PLCB4: variants seen among roughly 807,000 people sequenced by gnomAD.
The protein encoded by PLCB4 is 1-phosphatidylinositol 4,5-bisphosphate phosphodiesterase beta-4.
A neutral mutation model predicts 178.8 loss-of-function variants in PLCB4; 77 were observed. That is an observed-to-expected ratio of 0.43 (90% CI 0.36 to 0.52). The LOEUF is 0.52. Ranked by LOEUF, PLCB4 falls within the 20% of genes least tolerant of loss-of-function variation. The probability of loss-of-function intolerance (pLI) is 0.00; values close to 1 mark genes in which losing one functional copy is unlikely to be tolerated. For missense variants in PLCB4, 1,024 were observed against 1,453.4 expected (o/e 0.70, Z 4.80); for synonymous variants, 496 against 490.8 (o/e 1.01, Z -0.14).
intron 33 of PLCB4, among the ~76,000 whole-genome samples, chr20:9,456,879 T>A (rs910013888): frequency 2.6e-5 from 4 of 152,152 alleles, no homozygotes; most frequent in African/African-American, 9.7e-5. Context: ...GAAGACATAA[T>A]CACTGAAATA....
chr20:9,318,508 A>T (rs966872425), intron 4 of PLCB4, among the ~76,000 whole-genome samples: 1 of 152,196 alleles, frequency 6.6e-6, no homozygotes, highest in Non-Finnish European at 1.5e-5. Flanking sequence ...GTAACTGGGG[A>T]CATTGCATGT....
intron 4 of PLCB4, among the ~76,000 whole-genome samples, chr20:9,310,225 C>T (rs1469353005): frequency 6.6e-6 from 1 of 152,056 alleles, no homozygotes; most frequent in East Asian, 1.9e-4. Flanking sequence ...ACATGAACAG[C>T]CATGAGGGAT....
chr20:9,244,657 G>T (rs572090926), intron 3 of PLCB4, among the ~76,000 whole-genome samples: 2 of 152,306 alleles, frequency 1.3e-5, no homozygotes, highest in East Asian at 3.9e-4. Context: ...TGTACTTGAT[G>T]ATCAGTTAAG....
At position 9,437,147 on chromosome 20, in the gene PLCB4, A is replaced by G; in HGVS notation, c.2759A>G (p.Lys920Arg). The G allele has an allele frequency of 6.2e-7, 1 of 1,613,862 alleles. No homozygotes were observed. The highest frequency in any genetic ancestry group is 1.7e-5 in the Admixed American group (1 of 59,988). ...GCCCTGGCCTCTGGTGTGGAAGCCA[A>G]GAAAGGTGAGAGAGAGCCGTTGGGT... ...TAALASGVEA[K>R]KGIELIPQVR... is the part of the protein sequence containing the mutation. Residue 920 changes from lysine (K) to arginine (R), a missense_variant, in exon 30 of 40, where the codon AAG (lysine) becomes AGG (arginine). Lys to Arg is a conservative substitution (Grantham distance 26). Transcript: ENST00000378473.
At chr20:9,253,286 A>T (rs2094200024) in intron 3 of PLCB4, among the ~76,000 whole-genome samples, 1 of 152,292 alleles carries the variant, frequency 6.6e-6, no homozygotes, top group Non-Finnish European at 1.5e-5. Flanking sequence ...TACTTGCTGG[A>T]GTTGCACATT....
At chr20:9,261,582 G>A (rs902551610) in intron 3 of PLCB4, among the ~76,000 whole-genome samples, 21 of 152,136 alleles carry the variant, frequency 1.4e-4, no homozygotes, top group African/African-American at 4.1e-4. Flanking sequence ...TATTCTAAGA[G>A]TTTAAATTGG....
In PLCB4 at chr20:9,369,884, G is replaced by A. The variant is rs1254776003; in HGVS notation, c.504-1330G>A. Among the ~76,000 whole-genome samples the A allele has an allele frequency of 2.6e-5, 4 of 152,296 alleles. No individual in the cohort carries two copies. The East Asian group carries it at 7.7e-4, about 29-fold the overall frequency. On this transcript the variant is annotated intron_variant, in intron 9 of 39. Coordinates refer to ENST00000378473, the MANE Select transcript of PLCB4 (RefSeq NM_001377142.1). Reference sequence around the variant, plus strand: ...AAATCCTTCTGTGCTCACAGGGGAGGCATTCCAAAGCCAGCCCTCATGGAT... The same window carrying A: ...AAATCCTTCTGTGCTCACAGGGGAGACATTCCAAAGCCAGCCCTCATGGAT...
intron 1 of PLCB4, among the ~76,000 whole-genome samples, chr20:9,087,137 GC>G (rs2090466484): frequency 6.6e-6 from 1 of 152,108 alleles, no homozygotes; most frequent in South Asian, 2.1e-4. Flanking sequence ...GATAATCTTT[GC>G]CATATAGATG....
intron 9 of PLCB4, among the ~76,000 whole-genome samples, chr20:9,368,678 C>T (rs745427406): frequency 9.2e-5 from 14 of 152,232 alleles, no homozygotes; most frequent in East Asian, 1.9e-4. Context: ...TTTCAGAACA[C>T]GGTGTTAAAA....
At chr20:9,322,957 A>G (rs62194815) in intron 4 of PLCB4, among the ~76,000 whole-genome samples, 10,115 of 152,274 alleles carry the variant, frequency 0.066, 454 homozygotes, top group Non-Finnish European at 0.1. Context: ...TGGGAGTGAT[A>G]ATACCTACCT....
chr20:9,472,956 A>G, intron 37 of PLCB4, 109 bp downstream of exon 37: 1 of 640,506 alleles, frequency 1.6e-6, no homozygotes, highest in Non-Finnish European at 2.7e-6. Context: ...TTTTCTGTAC[A>G]TTAAACATTC....
chr20:9,206,718 T>TTC (rs2147218391), intron 2 of PLCB4, among the ~76,000 whole-genome samples: 1 of 152,338 alleles, frequency 6.6e-6, no homozygotes, highest in East Asian at 1.9e-4. Context: ...TGCTTGGATG[T>TTC]TCTGAGGGAT....
At chr20:9,440,730 C>A (rs945578430) in intron 30 of PLCB4, among the ~76,000 whole-genome samples, 3 of 152,000 alleles carry the variant, frequency 2.0e-5, no homozygotes, top group African/African-American at 7.2e-5. Flanking sequence ...AATTTTTTGG[C>A]CATTTTTGCA....
At chr20:9,137,821 C>A (rs2092414132) in intron 2 of PLCB4, among the ~76,000 whole-genome samples, 1 of 151,622 alleles carries the variant, frequency 6.6e-6, no homozygotes, top group South Asian at 2.1e-4. Flanking sequence ...ACAGAAAACA[C>A]CCATTCTGTA....
At chr20:9,378,461 C>A (rs554082584) in intron 12 of PLCB4, among the ~76,000 whole-genome samples, 9 of 152,196 alleles carry the variant, frequency 5.9e-5, no homozygotes, top group African/African-American at 2.2e-4. Context: ...ACAATGCATT[C>A]TCACCAGAAA....
intron 4 of PLCB4, among the ~76,000 whole-genome samples, chr20:9,315,221 TATC>T (rs2094885776): frequency 1.3e-5 from 2 of 152,206 alleles, no homozygotes; most frequent in Non-Finnish European, 2.9e-5. Context: ...GTATGTGAAT[TATC>T]ATATTGGAAT....
chr20:9,243,705 A>G (rs2094092615), intron 3 of PLCB4, among the ~76,000 whole-genome samples: 1 of 152,228 alleles, frequency 6.6e-6, no homozygotes, highest in African/African-American at 2.4e-5. Context: ...GGGAGGCAGC[A>G]AAGCAGAGGT....
intron 3 of PLCB4, among the ~76,000 whole-genome samples, chr20:9,301,166 C>T (rs1424967402): frequency 6.6e-6 from 1 of 151,760 alleles, no homozygotes; most frequent in Admixed American, 6.6e-5. Flanking sequence ...CCAGAATAAT[C>T]TCCCCATCTC....
chr20:9,452,783 T>C (rs2042841981), intron 32 of PLCB4, among the ~76,000 whole-genome samples: 1 of 152,082 alleles, frequency 6.6e-6, no homozygotes, highest in Non-Finnish European at 1.5e-5. Flanking sequence ...CCAGTGAAAA[T>C]ATTAAGTGAT....
Sources: gnomAD v4.1 joint callset for allele counts (sites outside exome capture counted in the v4.1 genomes callset) on GRCh38, gnomAD v4.1.1 for gene constraint, MANE v1.5 for transcripts, NCBI Gene and HGNC (gene_info 2026-07-23, HGNC 2026-07-21) for gene names.